The following NELL2 variants were observed in gnomAD, a reference collection of about 807,000 sequenced individuals.
The protein encoded by NELL2 is protein kinase C-binding protein NELL2.
Under a neutral mutation model 109.6 loss-of-function variants are expected in NELL2, and 41 were observed. The observed-to-expected ratio is 0.37, with a 90% CI of 0.29 to 0.49. The LOEUF (loss-of-function observed/expected upper bound fraction) is 0.49. NELL2 is among the 20% of genes least tolerant of loss of function. The probability of loss-of-function intolerance (pLI) is 0.98; values close to 1 mark genes in which losing one functional copy is unlikely to be tolerated. For synonymous variants in NELL2, 355 were observed against 344.7 expected, an observed-to-expected ratio of 1.03 and a Z score of -0.33; for missense variants, 900 against 1,008.3, an observed-to-expected ratio of 0.89 and a Z score of 1.45.
chr12:44,779,617 T>A (rs1365044172), intron 5 of NELL2, 46 bp downstream of exon 5: 29 of 1,457,516 alleles, frequency 2.0e-5, no homozygotes, highest in Non-Finnish European at 2.5e-5. Context: ...TTGAAACTCA[T>A]TAGAAAGCAT....
chr12:44,819,956 T>C (rs1943484634), intron 2 of NELL2, among the ~76,000 whole-genome samples: 1 of 152,116 alleles, frequency 6.6e-6, no homozygotes, highest in Non-Finnish European at 1.5e-5. Flanking sequence ...GGAATGCCCA[T>C]GGGAGAGAGA....
intron 1 of NELL2, among the ~76,000 whole-genome samples, chr12:44,903,820 T>C (rs1356948921): frequency 7.1e-6 from 1 of 140,652 alleles, no homozygotes; most frequent in African/African-American, 2.7e-5. Context: ...TTCTCACTCA[T>C]AAGTGGGATT....
At chr12:44,861,818 A>G (rs1566551097) in intron 2 of NELL2, among the ~76,000 whole-genome samples, 1 of 152,246 alleles carries the variant, frequency 6.6e-6, no homozygotes, top group Non-Finnish European at 1.5e-5. Flanking sequence ...AAGTCTTCCC[A>G]CCAACCATGC....
chr12:44,776,598 T>C (rs1941766751), intron 7 of NELL2, among the ~76,000 whole-genome samples: 1 of 152,196 alleles, frequency 6.6e-6, no homozygotes, highest in African/African-American at 2.4e-5. Flanking sequence ...TCTAGTGAAA[T>C]TGTAGGTAAA....
intron 15 of NELL2, among the ~76,000 whole-genome samples, chr12:44,589,205 T>C (rs1281306726): frequency 6.6e-6 from 1 of 152,080 alleles, no homozygotes; most frequent in Non-Finnish European, 1.5e-5. Context: ...TGTTGAAAAT[T>C]CTTTCTGAGT....
chr12:44,685,914 A>G (rs531528731), intron 12 of NELL2, among the ~76,000 whole-genome samples: 1 of 151,984 alleles, frequency 6.6e-6, no homozygotes, highest in African/African-American at 2.4e-5. Context: ...TCTTCTCGAG[A>G]AGTATCTTTG....
intron 9 of NELL2, among the ~76,000 whole-genome samples, chr12:44,763,651 G>A (rs745339021): frequency 1.3e-5 from 2 of 152,138 alleles, no homozygotes; most frequent in Non-Finnish European, 2.9e-5. Context: ...TTAGCATCAT[G>A]AGATATATTT....
At chr12:44,882,861 GAC>G in intron 1 of NELL2, among the ~76,000 whole-genome samples, 1 of 101,972 alleles carries the variant, frequency 9.8e-6, no homozygotes, top group Non-Finnish European at 1.8e-5. Flanking sequence ...TTTTTTTTGA[GAC>G]AGAGTCTCCT....
rs1479556495 is a variant in NELL2, at chr12:44,613,397, C to A, written c.1445-2427G>T. On this transcript the variant is annotated intron_variant, in intron 13 of 19. Coordinates refer to ENST00000429094, the MANE Select transcript of NELL2 (RefSeq NM_001145108.2). ...TAAATGATTAAATGAATAGATGGGG[C>A]AAGATAGGAACTACTTCCTTTGCCA... 3.3e-5 allele frequency among the ~76,000 whole-genome samples: 5 copies of A among 152,026 alleles called. No homozygotes were observed. The South Asian group carries it at 8.3e-4, about 25-fold the overall frequency.
chr12:44,775,995 T>C (rs770110095), intron 8 of NELL2, 27 bp downstream of exon 8: 1 of 1,605,470 alleles, frequency 6.2e-7, no homozygotes, highest in Non-Finnish European at 8.5e-7. Context: ...TGAGTTCCCT[T>C]AGTCTCAACT....
chr12:44,532,370 G>A (rs1009410506), intron 16 of NELL2: 6 of 371,690 alleles, frequency 1.6e-5, no homozygotes, highest in African/African-American at 4.2e-5. Flanking sequence ...CAGAAAACTG[G>A]GTTAGTGTCA....
chr12:44,773,180 A>G (rs1007879968), intron 9 of NELL2, among the ~76,000 whole-genome samples: 1 of 152,238 alleles, frequency 6.6e-6, no homozygotes, highest in Non-Finnish European at 1.5e-5. Context: ...GAAAGATAAA[A>G]GAAGTTAAAG....
At chr12:44,627,137 C>T (rs1946296628) in intron 13 of NELL2, among the ~76,000 whole-genome samples, 1 of 152,072 alleles carries the variant, frequency 6.6e-6, no homozygotes, top group South Asian at 2.1e-4. Context: ...AATACAGTCT[C>T]CCTAGTGAAT....
upstream of NELL2, among the ~76,000 whole-genome samples, chr12:44,878,212 T>G (rs996006931): frequency 6.6e-6 from 1 of 152,198 alleles, no homozygotes; most frequent in African/African-American, 2.4e-5. Context: ...TTATCTCCAG[T>G]ACCATACACA....
chr12:44,893,525 A>C (rs548705373), intron 1 of NELL2, among the ~76,000 whole-genome samples: 28 of 152,294 alleles, frequency 1.8e-4, no homozygotes, highest in African/African-American at 6.7e-4. Flanking sequence ...TAAATTAAGT[A>C]TTTCTGGGAT....
At chr12:44,663,527 A>C (rs1454318831) in intron 13 of NELL2, among the ~76,000 whole-genome samples, 1 of 152,194 alleles carries the variant, frequency 6.6e-6, no homozygotes, top group Non-Finnish European at 1.5e-5. Context: ...TCATAGTCTG[A>C]ATAGCGTTTC....
intron 3 of NELL2, among the ~76,000 whole-genome samples, chr12:44,815,140 G>A (rs1943299921): frequency 6.6e-6 from 1 of 151,960 alleles, no homozygotes; most frequent in Non-Finnish European, 1.5e-5. Flanking sequence ...TTACTTCATA[G>A]CAATTTATGT....
intron 15 of NELL2, among the ~76,000 whole-genome samples, chr12:44,589,472 C>T (rs570095395): frequency 1.9e-4 from 29 of 152,254 alleles, no homozygotes; most frequent in African/African-American, 6.7e-4. Context: ...CAACCTCCAC[C>T]TCCCAGGTTC....
At chr12:44,565,409 G>A (rs553714149) in intron 15 of NELL2, among the ~76,000 whole-genome samples, 1 of 152,164 alleles carries the variant, frequency 6.6e-6, no homozygotes, top group African/African-American at 2.4e-5. Flanking sequence ...TGTGAAATAC[G>A]TGCATCTTAG....
Sources: allele counts gnomAD v4.1 joint callset (sites outside exome capture counted in the v4.1 genomes callset), GRCh38; gene constraint gnomAD v4.1.1; transcripts MANE v1.5; gene names NCBI Gene and HGNC (gene_info 2026-07-23, HGNC 2026-07-21).